The following EXPH5 variants were observed in gnomAD, a reference collection of about 807,000 sequenced individuals.
EXPH5 encodes the protein exophilin-5.
In EXPH5, 42 loss-of-function variants were observed where a neutral mutation model predicts 41.1. The observed-to-expected ratio is 1.02, with a 90% CI of 0.80 to 1.32. EXPH5 has a LOEUF of 1.32. Among genes scored for constraint, EXPH5 ranks in the 40% most tolerant of loss-of-function variants. The probability of loss-of-function intolerance (pLI) is 0.00; values close to 1 mark genes in which losing one functional copy is unlikely to be tolerated. For missense variants in EXPH5, 2,298 were observed against 2,314.5 expected, an observed-to-expected ratio of 0.99 and a Z score of 0.15; for synonymous variants, 798 against 833.5, an observed-to-expected ratio of 0.96 and a Z score of 0.73.
At chr11:108,537,920 A>G in intron 3 of EXPH5, 1 of 920,514 alleles carries the variant, frequency 1.1e-6, no homozygotes, top group Non-Finnish European at 1.3e-6. Context: ...AAATGTGAGA[A>G]TCACTAGTGT....
intron 1 of EXPH5, among the ~76,000 whole-genome samples, chr11:108,561,951 T>C (rs893706694): frequency 6.6e-6 from 1 of 152,174 alleles, no homozygotes; most frequent in Admixed American, 6.5e-5. Flanking sequence ...GTTACTAGCC[T>C]GGTTGATTGA....
chr11:108,593,824 TGTCCCCTCCCTC>T (rs201190616), upstream of EXPH5: 2,310 of 1,362,168 alleles, frequency 1.7e-3, 57 homozygotes, highest in Admixed American at 0.037. Flanking sequence ...GGCCCTCCCT[TGTCCCCTCCCTC>T]GTCCCCTCCC....
Position 108,511,396 on chromosome 11 carries a change from A to C in EXPH5, c.4111T>G (p.Leu1371Val). ...SKAREIFSDN[L>V]AKTPLGDSEN... ...GAATCACCTAGAGGTGTTTTAGCTA[A>C]ATTATCTGAAAAAATCTCTCTAGCT... The change falls in exon 6 of 6, where the codon TTA becomes GTA. Residue 1371 changes from leucine (L) to valine (V), a missense_variant. Transcript: ENST00000265843. 1.3e-6 allele frequency: 2 copies of C among 1,589,842 alleles called. No homozygotes were observed. Among genetic ancestry groups the C allele is most frequent in the Non-Finnish European group, 1.7e-6 (2 of 1,171,534 alleles).
In EXPH5 at chr11:108,559,256, A is replaced by G. The variant is rs115152119; in HGVS notation, c.120-17444T>C. Among the ~76,000 whole-genome samples, 745 of 152,350 alleles carry G rather than the reference A, an allele frequency of 4.9e-3. 4 individuals carry two copies. The highest frequency in any genetic ancestry group is 0.017 in the African/African-American group (697 of 41,580). On this transcript the variant is annotated intron_variant, in intron 1 of 5. Transcript: ENST00000265843. ...TAACCGAAAAAATGAATACAAGAGA[A>G]TGAAAAACTAGATTTTAGCTTTTGC...
intron 1 of EXPH5, among the ~76,000 whole-genome samples, chr11:108,542,439 A>T (rs185517894): frequency 1.3e-5 from 2 of 152,332 alleles, no homozygotes; most frequent in Admixed American, 1.3e-4. Flanking sequence ...ACCTGGATTA[A>T]GCAATGTGCT....
the EXPH5 span, among the ~76,000 whole-genome samples, chr11:108,600,783 T>C: frequency 3.3e-5 from 5 of 152,238 alleles, no homozygotes; most frequent in African/African-American, 4.8e-5. Context: ...TTTAGGATTC[T>C]AGCCATCCCT....
intron 1 of EXPH5, among the ~76,000 whole-genome samples, chr11:108,562,183 A>G (rs1245198463): frequency 6.6e-6 from 1 of 152,116 alleles, no homozygotes; most frequent in Non-Finnish European, 1.5e-5. Flanking sequence ...TTCACAGAGG[A>G]ATTCTCCAGC....
rs1194346452 is a variant in EXPH5, at chr11:108,511,247, A to T, written c.4260T>A (p.Ser1420Arg). The change falls in exon 6 of 6, where the codon AGT (serine) becomes AGA (arginine). Residue 1420 changes from serine (S) to arginine (R), a missense_variant. Physicochemically the swap from Ser to Arg is moderately radical, Grantham distance 110 (BLOSUM62 -1). Transcript: ENST00000265843. ...SENCQQSINS[S>R]NSGPSSLPAL... ...CTGGAAGACTAGAGGGACCACTGTTACTTGAATTAATGGATTGTTGACAAT... is the reference window on the plus strand; with the variant it reads ...CTGGAAGACTAGAGGGACCACTGTTTCTTGAATTAATGGATTGTTGACAAT... 2 of 1,606,068 alleles carry T rather than the reference A, an allele frequency of 1.2e-6. No homozygotes were observed. Among genetic ancestry groups the T allele is most frequent in the Non-Finnish European group, 1.7e-6 (2 of 1,178,274 alleles).
chr11:108,539,132 G>C lies in EXPH5; in HGVS notation c.335C>G (p.Pro112Arg), dbSNP rs138214741. 1 of 1,610,174 alleles carries C rather than the reference G, an allele frequency of 6.2e-7. No individual in the cohort carries two copies. Among genetic ancestry groups the C allele is most frequent in the Non-Finnish European group, 8.5e-7 (1 of 1,177,692 alleles). ...GCTCATCCGGGAAGAAAAAGGTGTC[G>C]GCTTTTTTTGATTAGTTACATTTTT... Reference protein sequence around the residue: ...RSKNVTNQKKPTPFSSRMSFR... With the variant: ...RSKNVTNQKKRTPFSSRMSFR... The change falls in exon 3 of 6, where the codon CCG (proline) becomes CGG (arginine). Residue 112 changes from proline (P) to arginine (R), a missense_variant. Transcript: ENST00000265843.
intron 1 of EXPH5, among the ~76,000 whole-genome samples, chr11:108,590,479 G>C (rs1229132968): frequency 6.6e-6 from 1 of 152,168 alleles, no homozygotes; most frequent in African/African-American, 2.4e-5. Context: ...GTTGGAGCCA[G>C]AGAGGTCTGG....
Position 108,510,610 on chromosome 11 carries a change from A to T in EXPH5, c.4897T>A (p.Ser1633Thr), listed in dbSNP as rs915707473. ...GGGTTGCACTCCACTGTGCCAAGAGATAAATGGTCAAAGCCAGATCTGCTT... is the reference window on the plus strand; with the variant it reads ...GGGTTGCACTCCACTGTGCCAAGAGTTAAATGGTCAAAGCCAGATCTGCTT... ...SGSRSGFDHL[S>T]LGTVECNPLF... Residue 1633 changes from serine (S) to threonine (T), a missense_variant, in exon 6 of 6, where the codon TCT (serine) becomes ACT (threonine). By Grantham distance (58) the Ser-to-Thr change is moderately conservative. Coordinates refer to ENST00000265843, the MANE Select transcript of EXPH5 (RefSeq NM_015065.3). 2 of 1,613,988 alleles carry T rather than the reference A, an allele frequency of 1.2e-6. No individual in the cohort carries two copies. The highest frequency in any genetic ancestry group is 1.3e-5 in the African/African-American group (1 of 74,900).
intron 5 of EXPH5, among the ~76,000 whole-genome samples, chr11:108,515,730 C>T (rs2093720690): frequency 6.6e-6 from 1 of 152,122 alleles, no homozygotes. Context: ...AGTCTGTTTC[C>T]TGAATCCATG....
chr11:108,528,279 C>A, intron 3 of EXPH5, 95 bp from the exon 4 acceptor site: 1 of 792,532 alleles, frequency 1.3e-6, no homozygotes, highest in South Asian at 1.5e-5. Flanking sequence ...ATTTTGACAC[C>A]TTGAGAAGAT....
chr11:108,567,750 T>C (rs1315621999), intron 1 of EXPH5, among the ~76,000 whole-genome samples: 1 of 152,208 alleles, frequency 6.6e-6, no homozygotes, highest in Non-Finnish European at 1.5e-5. Context: ...CATCATGATA[T>C]ACTGGAAACA....
At chr11:108,556,126 G>A (rs2093988667) in intron 1 of EXPH5, among the ~76,000 whole-genome samples, 1 of 152,232 alleles carries the variant, frequency 6.6e-6, no homozygotes, top group Admixed American at 6.5e-5. Context: ...GTTTTTACAA[G>A]ATAGCTTGAG....
chr11:108,512,203 C>A lies in EXPH5; in HGVS notation c.3304G>T (p.Val1102Leu). 1 of 1,608,072 alleles carries A rather than the reference C, an allele frequency of 6.2e-7. No individual in the cohort carries two copies. Among genetic ancestry groups the A allele is most frequent in the East Asian group, 2.2e-5 (1 of 44,832 alleles). The change falls in exon 6 of 6, where the codon GTA becomes TTA. Residue 1102 changes from valine (V) to leucine (L), a missense_variant. Val to Leu is a conservative substitution (Grantham distance 32). Transcript: ENST00000265843. ...ACGGAAGTAGATCCACTGCTTTTTACATTTGTCATTCTCTCTGTGGCTTCA... is the reference window on the plus strand; with the variant it reads ...ACGGAAGTAGATCCACTGCTTTTTAAATTTGTCATTCTCTCTGTGGCTTCA... ...APEATERMTN[V>L]KSSGSTSVRK...
chr11:108,543,909 A>G (rs2093925705), intron 1 of EXPH5, among the ~76,000 whole-genome samples: 2 of 152,168 alleles, frequency 1.3e-5, no homozygotes, highest in Non-Finnish European at 2.9e-5. Context: ...GAGCAGACTC[A>G]GAGATCCTAA....
chr11:108,510,178 G>A lies in EXPH5; in HGVS notation c.5329C>T (p.Gln1777Ter). The change falls in exon 6 of 6, where the codon CAA becomes TAA. Residue 1777 changes from glutamine (Q) to a stop codon, truncating the protein, a stop_gained. Transcript: ENST00000265843. LOFTEE classifies it high-confidence loss of function. ...CACTCCAGAGATGAAGCACTCCTTT[G>A]TTGCTGCAGAAAACTGGCCAGTGGA... ...SSPLASFLQQ[Q>*]RSASSLEWEP... 2.5e-6 allele frequency: 4 copies of A among 1,614,072 alleles called. No homozygotes were observed. Among genetic ancestry groups the A allele is most frequent in the South Asian group, 1.1e-5 (1 of 91,082 alleles).
intron 1 of EXPH5, among the ~76,000 whole-genome samples, chr11:108,578,608 T>C (rs1455630503): frequency 6.6e-6 from 1 of 152,320 alleles, no homozygotes; most frequent in East Asian, 1.9e-4. Flanking sequence ...ATTGATTCTA[T>C]AGATCACTTT....
Sources: gnomAD v4.1 joint callset for allele counts (sites outside exome capture counted in the v4.1 genomes callset) on GRCh38, gnomAD v4.1.1 for gene constraint, MANE v1.5 for transcripts, NCBI Gene and HGNC (gene_info 2026-07-23, HGNC 2026-07-21) for gene names.